RAD51AP1: variants seen among roughly 807,000 people sequenced by gnomAD.
RAD51AP1 encodes RAD51 associated protein 1.
A neutral mutation model predicts 34.3 loss-of-function variants in RAD51AP1; 14 were observed. The ratio of observed to expected loss-of-function variants is 0.41; its 90% CI spans 0.27 to 0.64. RAD51AP1 has a LOEUF of 0.64. Ranked by LOEUF, RAD51AP1 falls within the 30% of genes least tolerant of loss-of-function variation. RAD51AP1 has a pLI of 0.33. For missense variants in RAD51AP1, 348 were observed against 386.9 expected (o/e 0.90, Z 0.84); for synonymous variants, 114 against 129.8 (o/e 0.88, Z 0.83).
intron 6 of RAD51AP1, among the ~76,000 whole-genome samples, chr12:4,551,424 G>A (rs1294575304): frequency 1.3e-5 from 2 of 150,696 alleles, no homozygotes; most frequent in African/African-American, 4.9e-5. Flanking sequence ...GAACCTGGGA[G>A]ACAGAGGTTG....
chr12:4,547,104 G>C (rs1452200435), intron 4 of RAD51AP1, among the ~76,000 whole-genome samples: 1 of 152,150 alleles, frequency 6.6e-6, no homozygotes, highest in Non-Finnish European at 1.5e-5. Flanking sequence ...GTCTCTCTCT[G>C]TCATCCAGGC....
chr12:4,541,958 T>C, intron 2 of RAD51AP1, 25 bp downstream of exon 2: 2 of 1,464,248 alleles, frequency 1.4e-6, no homozygotes, highest in Non-Finnish European at 1.8e-6. Flanking sequence ...TTATTTTTGT[T>C]CTAAAGATTT....
intron 1 of RAD51AP1, among the ~76,000 whole-genome samples, chr12:4,539,865 G>C (rs1944445568): frequency 6.6e-6 from 1 of 152,150 alleles, no homozygotes; most frequent in South Asian, 2.1e-4. Context: ...TTAAGTCAAT[G>C]GGAAGTCAGT....
chr12:4,548,902 T>C, intron 6 of RAD51AP1, 66 bp downstream of exon 6: 3 of 1,548,156 alleles, frequency 1.9e-6, no homozygotes, highest in Non-Finnish European at 2.6e-6. Context: ...TTGGAAGCTA[T>C]TAATTGTGCA....
In RAD51AP1 at chr12:4,557,350, A is replaced by G. The variant is rs527335317; in HGVS notation, c.871+848A>G. Among the ~76,000 whole-genome samples, 95 of 152,206 alleles carry G rather than the reference A, an allele frequency of 6.2e-4. 2 individuals are homozygous for G. Among genetic ancestry groups the G allele is most frequent in the Non-Finnish European group, 1.0e-3 (70 of 68,022 alleles). On this transcript the variant is annotated intron_variant, in intron 8 of 8. Coordinates refer to ENST00000352618, the MANE Select transcript of RAD51AP1 (RefSeq NM_006479.5). ...CACAGTGCTCACTCCCCTGCTGACT[A>G]CTATTCATAGATTTAGGCGTGAGCT...
At position 4,559,017 on chromosome 12, in the gene RAD51AP1, G is replaced by T; in HGVS notation, c.*24G>T. The T allele has an allele frequency of 2.5e-6, 4 of 1,610,854 alleles. No individual in the cohort carries two copies. The highest frequency in any genetic ancestry group is 3.4e-6 in the Non-Finnish European group (4 of 1,178,046). On this transcript the variant is annotated 3_prime_UTR_variant, in exon 9 of 9. Transcript: ENST00000352618. ...GAGTGTGGTACAGGAGGAATGTTTG[G>T]TTGGGAGAATCACAGCTTTACAAGG...
intron 6 of RAD51AP1, among the ~76,000 whole-genome samples, chr12:4,551,817 A>G (rs1212163419): frequency 6.6e-6 from 1 of 152,210 alleles, no homozygotes; most frequent in Admixed American, 6.5e-5. Context: ...ATTTTAATAT[A>G]CTACAAAAGG....
At chr12:4,542,951 A>G (rs1346352310) in intron 2 of RAD51AP1, among the ~76,000 whole-genome samples, 1 of 152,234 alleles carries the variant, frequency 6.6e-6, no homozygotes, top group Admixed American at 6.5e-5. Flanking sequence ...GGTAATGGAA[A>G]GAGAAAATAC....
intron 6 of RAD51AP1, among the ~76,000 whole-genome samples, chr12:4,551,873 T>C (rs1944549692): frequency 6.6e-6 from 1 of 151,288 alleles, no homozygotes; most frequent in Admixed American, 6.8e-5. Context: ...TGGAGCAAAA[T>C]GTTGATAATT....
chr12:4,543,541 AT>A (rs1361420674), intron 2 of RAD51AP1, among the ~76,000 whole-genome samples: 1 of 152,200 alleles, frequency 6.6e-6, no homozygotes, highest in Admixed American at 6.5e-5. Context: ...TTTTTAGTGA[AT>A]TGGTTTTTGA....
At chr12:4,553,414 A>C (rs1361066100) in intron 7 of RAD51AP1, 1 of 218,874 alleles carries the variant, frequency 4.6e-6, no homozygotes, top group Admixed American at 5.9e-5. Context: ...TGCATTCTAC[A>C]GTGAAAAACT....
intron 7 of RAD51AP1, among the ~76,000 whole-genome samples, chr12:4,554,338 G>A (rs1944567961): frequency 6.6e-6 from 1 of 152,022 alleles, no homozygotes; most frequent in Non-Finnish European, 1.5e-5. Flanking sequence ...TGATTACATT[G>A]GGCCCCTCCA....
In RAD51AP1 at chr12:4,539,469, G is replaced by A. The variant is rs577813396; in HGVS notation, c.17+513G>A. ...ATTTACACAGTTGAGTGCCATGGAA[G>A]CCTATAGTTAGCCATTCATTTAATA... On this transcript the variant is annotated intron_variant, in intron 1 of 8. Transcript: ENST00000352618. 2.6e-5 allele frequency among the ~76,000 whole-genome samples: 4 copies of A among 152,250 alleles called. No individual in the cohort carries two copies. In the East Asian group the frequency reaches 7.7e-4, roughly 29 times the overall value.
chr12:4,555,080 C>T (rs185239376), intron 7 of RAD51AP1, among the ~76,000 whole-genome samples: 66 of 152,104 alleles, frequency 4.3e-4, no homozygotes, highest in Admixed American at 7.9e-4. Context: ...GAAGAGTATA[C>T]GGTGAAAATG....
intron 7 of RAD51AP1, 35 bp downstream of exon 7, chr12:4,553,182 G>A (rs781550271): frequency 7.0e-7 from 1 of 1,433,792 alleles, no homozygotes; most frequent in East Asian, 2.6e-5. Flanking sequence ...TTTTATAAAG[G>A]AAATGTATGT....
At chr12:4,551,437 G>C (rs1353411985) in intron 6 of RAD51AP1, among the ~76,000 whole-genome samples, 1 of 148,872 alleles carries the variant, frequency 6.7e-6, no homozygotes, top group Non-Finnish European at 1.5e-5. Flanking sequence ...AGAGGTTGCA[G>C]TGAGCCAGGA....
intron 2 of RAD51AP1, among the ~76,000 whole-genome samples, chr12:4,542,954 G>C (rs752297664): frequency 3.3e-5 from 5 of 152,172 alleles, no homozygotes; most frequent in Non-Finnish European, 5.9e-5. Context: ...AATGGAAAGA[G>C]AAAATACTAC....
chr12:4,551,484 G>T (rs1166782213), intron 6 of RAD51AP1, among the ~76,000 whole-genome samples: 1 of 131,528 alleles, frequency 7.6e-6, no homozygotes, highest in African/African-American at 3.2e-5. Context: ...GACAGAGTGA[G>T]GCTCCATCTC....
Position 4,553,153 on chromosome 12 carries a change from C to A in RAD51AP1, c.721+6C>A. 6.5e-7 allele frequency: 1 copy of A among 1,544,894 alleles called. No individual in the cohort carries two copies. Among genetic ancestry groups the A allele is most frequent in the South Asian group, 1.3e-5 (1 of 79,904 alleles). On this transcript the variant is annotated splice_donor_region_variant and intron_variant, in intron 7 of 8. Transcript: ENST00000352618. ...ATCCAAATGTAATGCTTTGGGTAAG[C>A]TTGGTCCAAAACACTTAATTTTATA...
Sources: allele counts gnomAD v4.1 joint callset (sites outside exome capture counted in the v4.1 genomes callset), GRCh38; gene constraint gnomAD v4.1.1; transcripts MANE v1.5; gene names NCBI Gene and HGNC (gene_info 2026-07-23, HGNC 2026-07-21).